CDH13: variants seen among roughly 807,000 people sequenced by gnomAD.
CDH13 encodes cadherin 13, also known as cadherin-13.
In CDH13, 24 loss-of-function variants were observed where a neutral mutation model predicts 63.8. That is an observed-to-expected ratio of 0.38 (90% confidence interval 0.27 to 0.53). The LOEUF (loss-of-function observed/expected upper bound fraction) is 0.53, where lower values mean the gene tolerates loss of function less well. CDH13 is among the 20% of genes least tolerant of loss of function. The pLI, the probability that CDH13 is intolerant of heterozygous loss-of-function variation, is 0.85. For missense variants in CDH13, 1,049 were observed against 903.1 expected, an observed-to-expected ratio of 1.16 and a Z score of -2.07; for synonymous variants, 503 against 355.3, an observed-to-expected ratio of 1.42 and a Z score of -4.67.
At chr16:83,215,279 A>G (rs1447179085) in intron 4 of CDH13, among the ~76,000 whole-genome samples, 1 of 151,618 alleles carries the variant, frequency 6.6e-6, no homozygotes, top group African/African-American at 2.4e-5. Flanking sequence ...GAGTTTCACC[A>G]TGTTGGCCAG....
intron 1 of CDH13, among the ~76,000 whole-genome samples, chr16:82,702,466 A>C (rs571480426): frequency 6.6e-6 from 1 of 152,206 alleles, no homozygotes; most frequent in Non-Finnish European, 1.5e-5. Context: ...TACCTTGTAC[A>C]CAGTGCAGGC....
chr16:82,763,392 G>C (rs1003255463), intron 1 of CDH13, among the ~76,000 whole-genome samples: 9 of 152,012 alleles, frequency 5.9e-5, no homozygotes, highest in Non-Finnish European at 1.3e-4. Flanking sequence ...GTGAATACAG[G>C]CTCTCTGCTT....
At chr16:83,057,779 A>G (rs72796224) in intron 3 of CDH13, among the ~76,000 whole-genome samples, 17,604 of 152,162 alleles carry the variant, frequency 0.12, 1,308 homozygotes, top group Non-Finnish European at 0.16. Context: ...CCCACTCCAG[A>G]AAAGGGGTGA....
At chr16:83,667,368 TA>T (rs961663956) in intron 8 of CDH13, among the ~76,000 whole-genome samples, 5 of 152,110 alleles carry the variant, frequency 3.3e-5, no homozygotes, top group African/African-American at 1.2e-4. Flanking sequence ...ATACATGGCC[TA>T]AATATTAATT....
chr16:83,486,314 G>A (rs751162971), intron 6 of CDH13, among the ~76,000 whole-genome samples, 163 bp from the exon 7 acceptor site: 1 of 152,202 alleles, frequency 6.6e-6, no homozygotes, highest in Non-Finnish European at 1.5e-5. Flanking sequence ...GGGAAAGGAG[G>A]AAGAAAAGCT....
chr16:83,006,456 G>A (rs952433898), intron 2 of CDH13, among the ~76,000 whole-genome samples: 1 of 152,022 alleles, frequency 6.6e-6, no homozygotes, highest in African/African-American at 2.4e-5. Flanking sequence ...GCCTTTCAGG[G>A]ACAAATCAAA....
At chr16:83,561,331 C>T (rs886435376) in intron 7 of CDH13, among the ~76,000 whole-genome samples, 4 of 147,980 alleles carry the variant, frequency 2.7e-5, no homozygotes, top group African/African-American at 7.5e-5. Flanking sequence ...GAGGCTGAGG[C>T]AGGAGAATTA....
intron 1 of CDH13, among the ~76,000 whole-genome samples, chr16:82,668,216 G>C (rs1303865733): frequency 6.6e-6 from 1 of 152,134 alleles, no homozygotes; most frequent in Non-Finnish European, 1.5e-5. Context: ...TGGCACCTAA[G>C]ACTTTGGTTG....
At chr16:82,988,510 C>G (rs765456568) in intron 2 of CDH13, among the ~76,000 whole-genome samples, 1 of 151,996 alleles carries the variant, frequency 6.6e-6, no homozygotes, top group African/African-American at 2.4e-5. Context: ...ACATGTAATC[C>G]CAGCAGTTTG....
intron 4 of CDH13, chr16:83,171,677 T>C (rs1158617420): frequency 2.2e-6 from 2 of 914,582 alleles, no homozygotes; most frequent in African/African-American, 3.3e-5. Flanking sequence ...GCAAATAGCA[T>C]GCTCTTTGGC....
At chr16:83,250,815 T>G (rs1036930282) in intron 5 of CDH13, among the ~76,000 whole-genome samples, 1 of 152,178 alleles carries the variant, frequency 6.6e-6, no homozygotes, top group Non-Finnish European at 1.5e-5. Flanking sequence ...CCATCTGTGC[T>G]TAGGAGTCTA....
At chr16:82,877,065 A>G (rs757013349) in intron 2 of CDH13, among the ~76,000 whole-genome samples, 5 of 152,222 alleles carry the variant, frequency 3.3e-5, no homozygotes, top group Non-Finnish European at 7.3e-5. Context: ...CATAAGGGCA[A>G]ATACTACCTT....
chr16:83,648,631 C>T (rs1567480074), intron 8 of CDH13, among the ~76,000 whole-genome samples: 2 of 152,128 alleles, frequency 1.3e-5, no homozygotes, highest in Non-Finnish European at 2.9e-5. Flanking sequence ...CTGACACCGA[C>T]CCCCTGGGAA....
chr16:83,287,501 C>T (rs993837434), intron 5 of CDH13, among the ~76,000 whole-genome samples: 1 of 152,170 alleles, frequency 6.6e-6, no homozygotes, highest in Non-Finnish European at 1.5e-5. Flanking sequence ...CTCATACGAG[C>T]ATGAACCTTA....
intron 4 of CDH13, among the ~76,000 whole-genome samples, chr16:83,168,291 C>T (rs1452986147): frequency 6.6e-6 from 1 of 151,706 alleles, no homozygotes; most frequent in African/African-American, 2.4e-5. Context: ...TGTTAAGTAC[C>T]ATCCAATGGA....
intron 4 of CDH13, among the ~76,000 whole-genome samples, chr16:83,172,466 A>G (rs777090039): frequency 3.9e-5 from 6 of 152,078 alleles, no homozygotes; most frequent in Non-Finnish European, 8.8e-5. Context: ...ACTTCAGCCT[A>G]GGTGACAGAG....
chr16:83,687,377 G>C (rs530853079), intron 10 of CDH13, among the ~76,000 whole-genome samples: 1 of 152,292 alleles, frequency 6.6e-6, no homozygotes, highest in East Asian at 1.9e-4. Context: ...GGAGGCCTCA[G>C]GAAACTTAAA....
rs113515463 is a variant in CDH13 at position 83,205,968 on chromosome 16, G to A, written c.484-11377G>A. Among the ~76,000 whole-genome samples, 1,073 of 152,248 alleles carry A rather than the reference G, an allele frequency of 7.0e-3. 3 individuals carry two copies. The highest frequency in any genetic ancestry group is 0.011 in the Non-Finnish European group (780 of 68,024). ...ACCATGAGGCTGAGCGAATGTCAGTGTAGGTTGGGATATATTATTAACAGG... is the reference window on the plus strand; with the variant it reads ...ACCATGAGGCTGAGCGAATGTCAGTATAGGTTGGGATATATTATTAACAGG... On this transcript the variant is annotated intron_variant, in intron 4 of 13. Coordinates refer to ENST00000567109, the MANE Select transcript of CDH13 (RefSeq NM_001257.5).
intron 6 of CDH13, among the ~76,000 whole-genome samples, chr16:83,425,459 C>G (rs2071864375): frequency 6.6e-6 from 1 of 152,244 alleles, no homozygotes; most frequent in African/African-American, 2.4e-5. Flanking sequence ...ATGAATGAAA[C>G]AAGCTCCCTG....
Sources: allele counts gnomAD v4.1 joint callset (sites outside exome capture counted in the v4.1 genomes callset), GRCh38; gene constraint gnomAD v4.1.1; transcripts MANE v1.5; gene names NCBI Gene and HGNC (gene_info 2026-07-23, HGNC 2026-07-21).